The following CATSPERB variants were observed in gnomAD, a reference collection of about 807,000 sequenced individuals.
CATSPERB encodes the protein cation channel sperm-associated auxiliary subunit beta.
In CATSPERB, 93 loss-of-function variants were observed where a neutral mutation model predicts 128.3. The observed-to-expected ratio is 0.72, with a 90% CI of 0.61 to 0.86. CATSPERB has a LOEUF of 0.86. Among genes scored for constraint, CATSPERB ranks in the 40% least tolerant of loss-of-function variants. The probability of loss-of-function intolerance (pLI) is 0.00; values close to 1 mark genes in which losing one functional copy is unlikely to be tolerated. For synonymous variants in CATSPERB, 381 were observed against 448.8 expected (o/e 0.85, Z 1.91); for missense variants, 1,153 against 1,329.5 (o/e 0.87, Z 2.06).
intron 22 of CATSPERB, among the ~76,000 whole-genome samples, chr14:91,596,508 A>G (rs1893508566): frequency 6.6e-6 from 1 of 152,064 alleles, no homozygotes; most frequent in South Asian, 2.1e-4. Flanking sequence ...TGGCCTATAA[A>G]TCCACCTTTT....
At chr14:91,652,670 C>CAAAAAAAAAAAAAAAAAAAAAAAAAAA (rs58608847) in intron 15 of CATSPERB, among the ~76,000 whole-genome samples, 2 of 69,166 alleles carry the variant, frequency 2.9e-5, no homozygotes, top group African/African-American at 6.0e-5. Flanking sequence ...GACTCTGTCT[C>CAAAAAAAAAAAAAAAAAAAAAAAAAAA]AAAAAAAAAA....
At chr14:91,676,999 C>T (rs190262066) in intron 11 of CATSPERB, among the ~76,000 whole-genome samples, 1 of 152,258 alleles carries the variant, frequency 6.6e-6, no homozygotes, top group African/African-American at 2.4e-5. Flanking sequence ...ATAAATGGTG[C>T]TGGGAAAACT....
At chr14:91,669,500 A>G (rs1304686276) in intron 14 of CATSPERB, among the ~76,000 whole-genome samples, 4 of 152,200 alleles carry the variant, frequency 2.6e-5, no homozygotes, top group Non-Finnish European at 5.9e-5. Context: ...CCAGTTAGAA[A>G]TACACTTTTG....
intron 24 of CATSPERB, among the ~76,000 whole-genome samples, chr14:91,588,879 G>A (rs563702501): frequency 6.6e-6 from 1 of 152,256 alleles, no homozygotes; most frequent in East Asian, 1.9e-4. Context: ...ATGCATATAT[G>A]TTGGCCAGAG....
chr14:91,659,009 C>T (rs1894832603), intron 15 of CATSPERB, among the ~76,000 whole-genome samples: 1 of 151,950 alleles, frequency 6.6e-6, no homozygotes, highest in African/African-American at 2.4e-5. Context: ...GAGTGGGCAA[C>T]TATCATTAAG....
chr14:91,666,371 C>T (rs1347691839), intron 14 of CATSPERB, among the ~76,000 whole-genome samples: 1 of 152,138 alleles, frequency 6.6e-6, no homozygotes, highest in Non-Finnish European at 1.5e-5. Context: ...ATCAAGGAGA[C>T]CCGGAGGGCA....
Position 91,632,418 on chromosome 14 carries a change from A to G in CATSPERB, c.1742+4007T>C, listed in dbSNP as rs558471454. Among the ~76,000 whole-genome samples, 13 of 152,110 alleles carry G rather than the reference A, an allele frequency of 8.5e-5. No individual in the cohort carries two copies. In the South Asian group the frequency reaches 2.7e-3, roughly 32 times the overall value. On this transcript the variant is annotated intron_variant, in intron 17 of 26. Transcript: ENST00000256343. Reference sequence around the variant, plus strand: ...CAGAATGGTACATCTTAAAATGGTTAAAAAAAGCATAATAAAAAAGCCACG... The same window carrying G: ...CAGAATGGTACATCTTAAAATGGTTGAAAAAAGCATAATAAAAAAGCCACG...
intron 14 of CATSPERB, among the ~76,000 whole-genome samples, chr14:91,666,110 T>C (rs1423514758): frequency 6.6e-6 from 1 of 152,158 alleles, no homozygotes; most frequent in East Asian, 1.9e-4. Context: ...CTAGATCTCT[T>C]GAACTTTCTA....
At chr14:91,640,994 G>T (rs956952872) in intron 15 of CATSPERB, among the ~76,000 whole-genome samples, 2,210 of 147,278 alleles carry the variant, frequency 0.015, 25 homozygotes, top group African/African-American at 0.027. Context: ...CAGTGATGAT[G>T]AGCATTTTTT....
chr14:91,615,213 C>A (rs1893912868), intron 20 of CATSPERB, among the ~76,000 whole-genome samples: 1 of 152,176 alleles, frequency 6.6e-6, no homozygotes, highest in South Asian at 2.1e-4. Flanking sequence ...TGAGCTCCAC[C>A]TCCTGTCACA....
At chr14:91,647,387 A>G (rs1052894879) in intron 15 of CATSPERB, among the ~76,000 whole-genome samples, 1 of 152,126 alleles carries the variant, frequency 6.6e-6, no homozygotes, top group Non-Finnish European at 1.5e-5. Flanking sequence ...CCAAATTCAA[A>G]GTCTAAGTTT....
chr14:91,704,730 T>C, intron 6 of CATSPERB, 29 bp from the exon 7 acceptor site: 1 of 1,603,254 alleles, frequency 6.2e-7, no homozygotes, highest in Admixed American at 1.7e-5. Flanking sequence ...GGTGTTTAAA[T>C]TGTGGGAGCA....
chr14:91,662,474 AC>A (rs1894903657), intron 14 of CATSPERB, among the ~76,000 whole-genome samples: 2 of 152,204 alleles, frequency 1.3e-5, no homozygotes. Flanking sequence ...CATCTGGATT[AC>A]TTTTAGTAAT....
At chr14:91,702,675 A>AACACACACAC (rs71461951) in intron 7 of CATSPERB, among the ~76,000 whole-genome samples, 33,149 of 145,328 alleles carry the variant, frequency 0.23, 3,978 homozygotes, top group Admixed American at 0.32. Flanking sequence ...CAAAAAAGAA[A>AACACACACAC]ACACACACAC....
intron 22 of CATSPERB, among the ~76,000 whole-genome samples, chr14:91,600,698 T>C (rs189788780): frequency 5.3e-5 from 8 of 152,372 alleles, no homozygotes; most frequent in Non-Finnish European, 1.2e-4. Flanking sequence ...AGATTCATGC[T>C]GGTAAAGCAA....
At chr14:91,729,309 A>G in intron 2 of CATSPERB, 92 bp downstream of exon 2, 1 of 519,758 alleles carries the variant, frequency 1.9e-6, no homozygotes, top group Admixed American at 4.1e-5. Flanking sequence ...AAGAAGAAAT[A>G]CTAAAAGAAA....
intron 7 of CATSPERB, among the ~76,000 whole-genome samples, chr14:91,703,704 C>T (rs1895689876): frequency 6.6e-6 from 1 of 152,192 alleles, no homozygotes; most frequent in African/African-American, 2.4e-5. Flanking sequence ...CACAACTCCA[C>T]GGGGACAGAA....
At position 91,590,645 on chromosome 14, in the gene CATSPERB, TG is replaced by T. The variant is rs748624456; in HGVS notation, c.2821-977del. Among the ~76,000 whole-genome samples, 827 of 105,832 alleles carry T rather than the reference TG, an allele frequency of 7.8e-3. 2 individuals carry two copies. The highest frequency in any genetic ancestry group is 0.011 in the Non-Finnish European group (563 of 49,632). 69.4% of individuals were successfully genotyped at this position (105,832 alleles called of 152,430 possible). A position where few individuals can be genotyped will look rare whatever the true frequency, so the allele number is the denominator to read the frequency against. ...TATATAGTCTCTAGATGTCTTTTTT[TG>T]TTTGTTTGTTTTGTTTTGTTTTTTG... On this transcript the variant is annotated intron_variant, in intron 23 of 26. Coordinates refer to ENST00000256343, the MANE Select transcript of CATSPERB (RefSeq NM_024764.4).
chr14:91,604,867 CT>C, intron 22 of CATSPERB: 2 of 1,398,868 alleles, frequency 1.4e-6, no homozygotes, highest in South Asian at 1.2e-5. Flanking sequence ...CCTGCCACCT[CT>C]TAGATTTCAT....
Sources: gnomAD v4.1 joint callset for allele counts (sites outside exome capture counted in the v4.1 genomes callset) on GRCh38, gnomAD v4.1.1 for gene constraint, MANE v1.5 for transcripts, NCBI Gene and HGNC (gene_info 2026-07-23, HGNC 2026-07-21) for gene names.